The following TAFA1 variants were observed in gnomAD, a reference collection of about 807,000 sequenced individuals.
TAFA1 encodes the protein chemokine-like protein TAFA-1.
TAFA1 carries 4 observed loss-of-function variants against 18.5 expected under a neutral mutation model. The ratio of observed to expected loss-of-function variants is 0.22; its 90% CI spans 0.11 to 0.49. The LOEUF is 0.49. Among genes scored for constraint, TAFA1 ranks in the 20% least tolerant of loss-of-function variants. TAFA1 has a pLI of 0.98. For missense variants in TAFA1, 147 were observed against 169.0 expected, an observed-to-expected ratio of 0.87 and a Z score of 0.72; for synonymous variants, 56 against 55.2, an observed-to-expected ratio of 1.01 and a Z score of -0.06.
At chr3:68,395,814 T>C (rs191608815) in intron 2 of TAFA1, among the ~76,000 whole-genome samples, 26 of 151,872 alleles carry the variant, frequency 1.7e-4, no homozygotes, top group African/African-American at 6.1e-4. Flanking sequence ...TGGAGGATGG[T>C]GGGCAAGGGA....
chr3:68,126,073 C>T lies in TAFA1; in HGVS notation c.118+119329C>T, dbSNP rs551389377. The stretch of plus-strand genomic sequence containing the variant: ...TTGTATCACTCTCTCTGCTCCTTCG[C>T]TCCTGTCTCCTAGAATCACCTTTCA... On this transcript the variant is annotated intron_variant, in intron 2 of 4. Coordinates refer to ENST00000478136, the MANE Select transcript of TAFA1 (RefSeq NM_213609.4). Among the ~76,000 whole-genome samples, 7 of 152,330 alleles carry T rather than the reference C, an allele frequency of 4.6e-5. No homozygotes were observed. The South Asian group carries it at 1.0e-3, about 23-fold the overall frequency.
At chr3:68,072,598 G>A (rs548807443) in intron 2 of TAFA1, among the ~76,000 whole-genome samples, 56 of 152,112 alleles carry the variant, frequency 3.7e-4, no homozygotes, top group Non-Finnish European at 5.3e-4. Context: ...AAATAGGCAC[G>A]TCCTGATTTT....
chr3:68,216,096 A>G (rs1202036207), intron 2 of TAFA1, among the ~76,000 whole-genome samples: 3 of 152,050 alleles, frequency 2.0e-5, no homozygotes, highest in Non-Finnish European at 2.9e-5. Context: ...ACCACAAAAC[A>G]TTCTGGAAAA....
chr3:68,509,457 G>T (rs1404912092), intron 3 of TAFA1, among the ~76,000 whole-genome samples: 4 of 151,988 alleles, frequency 2.6e-5, no homozygotes, highest in Admixed American at 6.6e-5. Context: ...ACTAGGTTAG[G>T]CCATTATCAA....
chr3:68,145,632 G>A lies in TAFA1; in HGVS notation c.118+138888G>A, dbSNP rs1269506653. On this transcript the variant is annotated intron_variant, in intron 2 of 4. Coordinates refer to ENST00000478136, the MANE Select transcript of TAFA1 (RefSeq NM_213609.4). The stretch of plus-strand genomic sequence containing the variant: ...GATTATGTGGCTTTCCTTGAAGACT[G>A]ACTTATCACTCTGAGTTCAAGATTC... 5 of 1,269,692 alleles carry A rather than the reference G, an allele frequency of 3.9e-6. No individual in the cohort carries two copies. The African/African-American group carries it at 6.0e-5, about 15-fold the overall frequency. The allele number at this position is 1,269,692 out of a possible 1,614,324, so 78.7% of individuals were successfully genotyped here. A position where few individuals can be genotyped will look rare whatever the true frequency, so the allele number is the denominator to read the frequency against.
At chr3:68,467,954 C>T (rs927701342) in intron 3 of TAFA1, among the ~76,000 whole-genome samples, 4 of 152,088 alleles carry the variant, frequency 2.6e-5, no homozygotes, top group Admixed American at 6.6e-5. Context: ...AAGTTGTGAA[C>T]ATTATAGTAA....
intron 3 of TAFA1, among the ~76,000 whole-genome samples, chr3:68,435,155 C>T (rs1300463864): frequency 2.0e-5 from 3 of 152,006 alleles, no homozygotes; most frequent in Non-Finnish European, 4.4e-5. Flanking sequence ...AACTAACATC[C>T]AGTCTGGGAC....
chr3:68,531,418 A>G (rs780464875), intron 3 of TAFA1, among the ~76,000 whole-genome samples: 12 of 152,022 alleles, frequency 7.9e-5, no homozygotes, highest in South Asian at 4.1e-4. Context: ...CCAAGTGCAC[A>G]GTTTGACCTT....
chr3:68,274,838 TTC>T (rs1251734679), intron 2 of TAFA1, among the ~76,000 whole-genome samples: 1 of 152,174 alleles, frequency 6.6e-6, no homozygotes, highest in Non-Finnish European at 1.5e-5. Context: ...CTCTCTCTGT[TTC>T]TCTTTCTTTC....
chr3:68,349,871 C>G lies in TAFA1; in HGVS notation c.119-67409C>G, dbSNP rs369564214. ...CCCAGAAGATCAGCATCTCTGGGTC[C>G]GTATTCACCATAATAGCCTTGAGCC... On this transcript the variant is annotated intron_variant, in intron 2 of 4. Transcript: ENST00000478136. 5.3e-5 allele frequency among the ~76,000 whole-genome samples: 8 copies of G among 152,036 alleles called. 1 individual carries two copies. Among genetic ancestry groups the G allele is most frequent in the South Asian group, 2.1e-4 (1 of 4,828 alleles).
At position 68,544,638 on chromosome 3, in the gene TAFA1, C is replaced by G. The variant is rs575241898; in HGVS notation, c.*135C>G. ...GACTGGCTACCAGATAATCACAGTG[C>G]GTTTACTGTGTGTAACGAAATATCC... On this transcript the variant is annotated 3_prime_UTR_variant, in exon 5 of 5. Transcript: ENST00000478136. 5 of 854,994 alleles carry G rather than the reference C, an allele frequency of 5.8e-6. No individual in the cohort carries two copies. Among genetic ancestry groups the G allele is most frequent in the Non-Finnish European group, 9.4e-6 (5 of 530,294 alleles). The allele number at this position is 854,994 out of a possible 1,614,324, so 53.0% of individuals were successfully genotyped here.
chr3:68,262,613 C>A (rs2067457680), intron 2 of TAFA1, among the ~76,000 whole-genome samples: 2 of 151,964 alleles, frequency 1.3e-5, no homozygotes, highest in African/African-American at 4.8e-5. Flanking sequence ...GTCATGATTT[C>A]ATTCTTTTTT....
intron 2 of TAFA1, among the ~76,000 whole-genome samples, chr3:68,416,036 C>T (rs748783133): frequency 2.6e-5 from 4 of 152,098 alleles, no homozygotes; most frequent in Admixed American, 6.6e-5. Context: ...TTAACATAGC[C>T]CTGCTTCCTA....
intron 2 of TAFA1, among the ~76,000 whole-genome samples, chr3:68,101,468 T>C (rs1229525837): frequency 2.0e-5 from 3 of 152,012 alleles, no homozygotes; most frequent in African/African-American, 4.8e-5. Flanking sequence ...ATTAAGAAAA[T>C]GTGGCACACA....
intron 2 of TAFA1, among the ~76,000 whole-genome samples, chr3:68,285,434 A>C (rs1360980032): frequency 1.3e-5 from 2 of 151,900 alleles, no homozygotes; most frequent in Non-Finnish European, 2.9e-5. Flanking sequence ...TATGCCTCAA[A>C]AATTTCAAAA....
intron 2 of TAFA1, among the ~76,000 whole-genome samples, chr3:68,273,716 A>T (rs2067724034): frequency 6.6e-6 from 1 of 152,176 alleles, no homozygotes; most frequent in Admixed American, 6.6e-5. Context: ...TCAGTTAGGT[A>T]TTTCTCAGAG....
At chr3:68,127,425 G>T (rs959173968) in intron 2 of TAFA1, among the ~76,000 whole-genome samples, 1 of 152,034 alleles carries the variant, frequency 6.6e-6, no homozygotes, top group Non-Finnish European at 1.5e-5. Context: ...CTTTCAAGCT[G>T]TTTTTGGTTA....
intron 2 of TAFA1, among the ~76,000 whole-genome samples, chr3:68,383,607 G>T (rs147491949): frequency 6.6e-6 from 1 of 151,946 alleles, no homozygotes; most frequent in Non-Finnish European, 1.5e-5. Context: ...GGATTTTTGC[G>T]TTGATGTTCA....
chr3:67,995,543 G>A, the TAFA1 span, among the ~76,000 whole-genome samples: 1 of 152,012 alleles, frequency 6.6e-6, no homozygotes, highest in Admixed American at 6.6e-5. Flanking sequence ...CTCTAAACTT[G>A]TAACTGTTAG....
Sources: allele counts gnomAD v4.1 joint callset (sites outside exome capture counted in the v4.1 genomes callset), GRCh38; gene constraint gnomAD v4.1.1; transcripts MANE v1.5; gene names NCBI Gene and HGNC (gene_info 2026-07-23, HGNC 2026-07-21).